The following SPOCK3 variants were observed in gnomAD, a reference collection of about 807,000 sequenced individuals.
SPOCK3 encodes the protein SPARC (osteonectin), cwcv and kazal like domains proteoglycan 3, also known as testican-3.
SPOCK3 carries 30 observed loss-of-function variants against 56.6 expected under a neutral mutation model. The ratio of observed to expected loss-of-function variants is 0.53; its 90% CI spans 0.40 to 0.72. The LOEUF is 0.72. Ranked by LOEUF, SPOCK3 falls within the 30% of genes least tolerant of loss-of-function variation. SPOCK3 has a pLI of 0.00. For missense variants in SPOCK3, 527 were observed against 530.0 expected, an observed-to-expected ratio of 0.99 and a Z score of 0.06; for synonymous variants, 196 against 183.3, an observed-to-expected ratio of 1.07 and a Z score of -0.56.
rs929703256 is a variant in SPOCK3 at position 166,853,889 on chromosome 4, A to T, written c.589+35241T>A. 2.0e-5 allele frequency among the ~76,000 whole-genome samples: 3 copies of T among 152,244 alleles called. No individual in the cohort carries two copies. The South Asian group carries it at 6.2e-4, about 32-fold the overall frequency. The stretch of plus-strand genomic sequence containing the variant: ...AGAGGAAGACTCTCTCTCAAAAAAA[A>T]AAAGAAAAAAAGATGGTCTCCAAAG... On this transcript the variant is annotated intron_variant, in intron 6 of 10. Transcript: ENST00000357545.
intron 2 of SPOCK3, among the ~76,000 whole-genome samples, chr4:167,167,946 T>C (rs1730134956): frequency 6.6e-6 from 1 of 152,028 alleles, no homozygotes; most frequent in Non-Finnish European, 1.5e-5. Context: ...ATGGGGGTGA[T>C]TTCCCCCCAT....
chr4:166,973,905 T>A (rs893796525), intron 4 of SPOCK3, among the ~76,000 whole-genome samples: 1 of 152,134 alleles, frequency 6.6e-6, no homozygotes, highest in Non-Finnish European at 1.5e-5. Flanking sequence ...ATATACACAT[T>A]TTTAAAAAAA....
chr4:167,228,063 C>A (rs555803485), intron 2 of SPOCK3, among the ~76,000 whole-genome samples: 1 of 152,126 alleles, frequency 6.6e-6, no homozygotes, highest in Non-Finnish European at 1.5e-5. Flanking sequence ...AATAAAGAAA[C>A]CTAACATGTC....
chr4:167,116,949 A>T (rs528470246), intron 2 of SPOCK3, among the ~76,000 whole-genome samples: 1 of 138,572 alleles, frequency 7.2e-6, no homozygotes, highest in Admixed American at 7.7e-5. Context: ...GTGTATATGT[A>T]TATATATATA....
intron 4 of SPOCK3, among the ~76,000 whole-genome samples, chr4:166,962,171 ACATAT>A (rs1744214662): frequency 6.6e-6 from 1 of 152,108 alleles, no homozygotes; most frequent in Non-Finnish European, 1.5e-5. Context: ...ATGAAATTTA[ACATAT>A]CATAAGGTCA....
chr4:167,153,854 C>G (rs1561272320), intron 2 of SPOCK3, among the ~76,000 whole-genome samples: 2 of 152,206 alleles, frequency 1.3e-5, no homozygotes, highest in Non-Finnish European at 1.5e-5. Context: ...CAGTAACTGA[C>G]TTCAAATTAG....
At chr4:166,740,370 T>C (rs2126382528) in intron 9 of SPOCK3, among the ~76,000 whole-genome samples, 1 of 151,938 alleles carries the variant, frequency 6.6e-6, no homozygotes, top group Admixed American at 6.6e-5. Context: ...TAAAAACCTG[T>C]ATTCTAATAG....
chr4:166,955,626 AT>A (rs1743354015), intron 4 of SPOCK3, among the ~76,000 whole-genome samples: 1 of 146,164 alleles, frequency 6.8e-6, no homozygotes, highest in African/African-American at 2.5e-5. Flanking sequence ...ATTTAATATA[AT>A]TTAATTATAT....
At chr4:167,108,870 A>C (rs1204427305) in intron 2 of SPOCK3, among the ~76,000 whole-genome samples, 1 of 145,564 alleles carries the variant, frequency 6.9e-6, no homozygotes, top group Non-Finnish European at 1.5e-5. Flanking sequence ...ATTTACTCTG[A>C]TGTGATTATT....
chr4:166,914,413 GACTTAGAAAATCTTTCAATTT>G (rs1737619351), intron 4 of SPOCK3, among the ~76,000 whole-genome samples: 1 of 152,040 alleles, frequency 6.6e-6, no homozygotes, highest in African/African-American at 2.4e-5. Flanking sequence ...TAACATTTAT[GACTTAGAAAATCTTTCAATTT>G]TAATTTAAAG....
In SPOCK3 at chr4:167,108,569, T is replaced by A. The variant is rs115065357; in HGVS notation, c.190-46032A>T. ...TAGCCAGGCACAGAGAGATGAAACT[T>A]CACATATTCTCACTTATTTGTGGGA... is the stretch of plus-strand genomic sequence containing the variant. On this transcript the variant is annotated intron_variant, in intron 2 of 10. Transcript: ENST00000357545. Among the ~76,000 whole-genome samples, 1,338 of 151,914 alleles carry A rather than the reference T, an allele frequency of 8.8e-3. 17 individuals carry two copies. The highest frequency in any genetic ancestry group is 0.03 in the African/African-American group (1,260 of 41,460).
At chr4:166,823,862 C>T (rs549147273) in intron 6 of SPOCK3, among the ~76,000 whole-genome samples, 1 of 152,166 alleles carries the variant, frequency 6.6e-6, no homozygotes, top group South Asian at 2.1e-4. Flanking sequence ...TTATAAACAT[C>T]CCATTATTTT....
intron 5 of SPOCK3, among the ~76,000 whole-genome samples, chr4:166,891,349 A>AG (rs1411664054): frequency 2.6e-5 from 4 of 152,026 alleles, no homozygotes; most frequent in African/African-American, 7.2e-5. Flanking sequence ...GCTGATATCA[A>AG]GAAGCACCGA....
intron 8 of SPOCK3, among the ~76,000 whole-genome samples, chr4:166,752,104 T>G (rs1388139891): frequency 6.6e-6 from 1 of 152,034 alleles, no homozygotes; most frequent in African/African-American, 2.4e-5. Flanking sequence ...AGGTGCCATC[T>G]CAGCTCACTG....
intron 6 of SPOCK3, among the ~76,000 whole-genome samples, chr4:166,864,048 C>T (rs1485138291): frequency 6.6e-6 from 1 of 152,128 alleles, no homozygotes; most frequent in African/African-American, 2.4e-5. Flanking sequence ...AAACACTTCT[C>T]AGCAAATGCA....
chr4:166,949,645 C>G (rs916676562), intron 4 of SPOCK3, among the ~76,000 whole-genome samples: 5 of 152,044 alleles, frequency 3.3e-5, no homozygotes, highest in African/African-American at 1.2e-4. Flanking sequence ...GCGGTGTTTG[C>G]AGAACAGCGG....
intron 6 of SPOCK3, among the ~76,000 whole-genome samples, chr4:166,851,017 G>A (rs1252090303): frequency 2.0e-5 from 3 of 152,362 alleles, no homozygotes; most frequent in East Asian, 1.9e-4. Flanking sequence ...TGGGGGCAGG[G>A]CACAGACAAA....
At chr4:166,960,167 T>C (rs892540092) in intron 4 of SPOCK3, among the ~76,000 whole-genome samples, 1 of 152,210 alleles carries the variant, frequency 6.6e-6, no homozygotes, top group African/African-American at 2.4e-5. Flanking sequence ...AGATACTTTT[T>C]AAAACAATTT....
rs57196159 is a variant in SPOCK3 at position 167,200,429 on chromosome 4, C to T, written c.189+33556G>A. On this transcript the variant is annotated intron_variant, in intron 2 of 10. Transcript: ENST00000357545. ...TAACTAAATTTACAGGTTGAAATTACAAAGTACGGCAAGGAGTACTATACT... is the reference window on the plus strand; with the variant it reads ...TAACTAAATTTACAGGTTGAAATTATAAAGTACGGCAAGGAGTACTATACT... Among the ~76,000 whole-genome samples the T allele has an allele frequency of 3.3e-3, 506 of 152,014 alleles. 1 individual carries two copies. The highest frequency in any genetic ancestry group is 0.01 in the African/African-American group (425 of 41,478).
Sources: gnomAD v4.1 joint callset for allele counts (sites outside exome capture counted in the v4.1 genomes callset) on GRCh38, gnomAD v4.1.1 for gene constraint, MANE v1.5 for transcripts, NCBI Gene and HGNC (gene_info 2026-07-23, HGNC 2026-07-21) for gene names.